PGGT1B: variants seen among roughly 807,000 people sequenced by gnomAD.
The protein encoded by PGGT1B is geranylgeranyl transferase type-1 subunit beta.
In PGGT1B, 30 loss-of-function variants were observed where a neutral mutation model predicts 46.1. The ratio of observed to expected loss-of-function variants is 0.65; its 90% CI spans 0.49 to 0.88. PGGT1B has a LOEUF of 0.88. PGGT1B is among the 40% of genes least tolerant of loss of function. PGGT1B has a pLI of 0.00. For missense variants in PGGT1B, 376 were observed against 455.9 expected (o/e 0.82, Z 1.60); for synonymous variants, 170 against 160.0 (o/e 1.06, Z -0.47).
chr5:115,237,715 C>T, intron 4 of PGGT1B, 143 bp downstream of exon 4: 4 of 536,278 alleles, frequency 7.5e-6, no homozygotes, highest in South Asian at 5.8e-5. Flanking sequence ...TTTGACTATG[C>T]ACTTAATTAT....
intron 3 of PGGT1B, among the ~76,000 whole-genome samples, chr5:115,240,838 T>C (rs1757325815): frequency 6.6e-6 from 1 of 152,166 alleles, no homozygotes; most frequent in African/African-American, 2.4e-5. Flanking sequence ...GAGGCCGCTT[T>C]AGAAAAAATG....
rs180846471 is a variant in PGGT1B at position 115,246,212 on chromosome 5, C to T, written c.260-4606G>A. Among the ~76,000 whole-genome samples the T allele has an allele frequency of 9.1e-4, 139 of 152,038 alleles. 1 individual carries two copies. The East Asian group carries it at 0.019, about 21-fold the overall frequency. Reference sequence around the variant, plus strand: ...CTCTACTAAAAGTACTAAAATTAGCCGGGTGTGGTGGAGCACACCTTTAGT... The same window carrying T: ...CTCTACTAAAAGTACTAAAATTAGCTGGGTGTGGTGGAGCACACCTTTAGT... On this transcript the variant is annotated intron_variant, in intron 2 of 8. Transcript: ENST00000419445.
At chr5:115,224,787 T>C (rs1261121380) in intron 6 of PGGT1B, among the ~76,000 whole-genome samples, 2 of 145,142 alleles carry the variant, frequency 1.4e-5, no homozygotes, top group East Asian at 4.0e-4. Flanking sequence ...AGTAGGACGA[T>C]CCCTTGACTG....
chr5:115,248,179 A>C (rs1401000985), intron 2 of PGGT1B, among the ~76,000 whole-genome samples: 1 of 152,212 alleles, frequency 6.6e-6, no homozygotes, highest in Non-Finnish European at 1.5e-5. Context: ...ATTAAGGAAC[A>C]GATACTAGAT....
intron 5 of PGGT1B, among the ~76,000 whole-genome samples, chr5:115,234,194 T>C (rs1757096994): frequency 8.1e-6 from 1 of 123,258 alleles, no homozygotes; most frequent in African/African-American, 3.5e-5. Flanking sequence ...AGCTATATTG[T>C]TAAGTGAAAA....
In PGGT1B at chr5:115,206,273, C is replaced by T. The variant is rs1756060631; in HGVS notation, c.*6129G>A. ...TGTATGCAACAGTGGTGTTTACCTC[C>T]AGGAAGTATAGGCTGTGGGTATAGT... On this transcript the variant is annotated 3_prime_UTR_variant, in exon 9 of 9. Coordinates refer to ENST00000419445, the MANE Select transcript of PGGT1B (RefSeq NM_005023.4). The T allele has an allele frequency of 6.6e-6, 1 of 151,740 alleles. No homozygotes were observed. Among genetic ancestry groups the T allele is most frequent in the African/African-American group, 2.4e-5 (1 of 41,352 alleles). The allele number at this position is 151,740 out of a possible 1,614,324, so 9.4% of individuals were successfully genotyped here. A position where few individuals can be genotyped will look rare whatever the true frequency, so the allele number is the denominator to read the frequency against.
intron 4 of PGGT1B, 111 bp downstream of exon 4, chr5:115,237,747 G>T: frequency 1.2e-6 from 1 of 800,342 alleles, no homozygotes. Context: ...GCTTTAGGTG[G>T]GGTTCTAATA....
At chr5:115,226,600 AAATT>A (rs1417592325) in intron 6 of PGGT1B, among the ~76,000 whole-genome samples, 1 of 152,082 alleles carries the variant, frequency 6.6e-6, no homozygotes, top group Non-Finnish European at 1.5e-5. Flanking sequence ...CGAAGAAACT[AAATT>A]AATAACAAAC....
intron 2 of PGGT1B, among the ~76,000 whole-genome samples, chr5:115,244,165 T>C (rs1413992384): frequency 6.6e-6 from 1 of 152,098 alleles, no homozygotes; most frequent in African/African-American, 2.4e-5. Context: ...GCAACATCTT[T>C]AGAATTCTAC....
At chr5:115,222,083 G>A in intron 6 of PGGT1B, 75 bp from the exon 7 acceptor site, 1 of 807,186 alleles carries the variant, frequency 1.2e-6, no homozygotes, top group Non-Finnish European at 1.8e-6. Context: ...TGTTCAAGGG[G>A]AAAAAGTGGT....
At chr5:115,238,705 G>C (rs548521330) in intron 3 of PGGT1B, among the ~76,000 whole-genome samples, 1 of 152,174 alleles carries the variant, frequency 6.6e-6, no homozygotes, top group South Asian at 2.1e-4. Context: ...TACAATCATT[G>C]AAATGCATAA....
In PGGT1B at chr5:115,239,439, A is replaced by ATT. The variant is rs141058452; in HGVS notation, c.328-1431_328-1430insAA. ...AGTTCCTCCTTAGAACTCAAGCTCT[A>ATT]GTTCTCCTGGCTATCCTATTCCACA... On this transcript the variant is annotated intron_variant, in intron 3 of 8. Coordinates refer to ENST00000419445, the MANE Select transcript of PGGT1B (RefSeq NM_005023.4). 1.5e-3 allele frequency among the ~76,000 whole-genome samples: 233 copies of ATT among 152,284 alleles called. 2 individuals carry two copies. The highest frequency in any genetic ancestry group is 5.1e-3 in the African/African-American group (214 of 41,560).
chr5:115,220,386 G>T (rs1756551132), intron 7 of PGGT1B, among the ~76,000 whole-genome samples: 1 of 151,754 alleles, frequency 6.6e-6, no homozygotes, highest in Non-Finnish European at 1.5e-5. Context: ...CCTATATGAG[G>T]TACCTAGAAT....
intron 2 of PGGT1B, among the ~76,000 whole-genome samples, chr5:115,246,386 ATATT>A (rs1244792787): frequency 9.7e-4 from 147 of 152,112 alleles, no homozygotes; most frequent in African/African-American, 3.5e-3. Flanking sequence ...CCACTTAAAA[ATATT>A]TATTAGGTAC....
At chr5:115,237,581 T>C (rs147756616) in intron 4 of PGGT1B, among the ~76,000 whole-genome samples, 4 of 152,304 alleles carry the variant, frequency 2.6e-5, no homozygotes, top group African/African-American at 4.8e-5. Context: ...GTAAATTAGA[T>C]TCCAATCCTG....
intron 5 of PGGT1B, among the ~76,000 whole-genome samples, chr5:115,233,906 T>G (rs889710773): frequency 5.3e-5 from 8 of 152,012 alleles, no homozygotes; most frequent in Non-Finnish European, 1.0e-4. Context: ...TACATATGCA[T>G]TTACCTTTTG....
At position 115,210,696 on chromosome 5, in the gene PGGT1B, T is replaced by C. The variant is rs558629637; in HGVS notation, c.*1706A>G. On this transcript the variant is annotated 3_prime_UTR_variant, in exon 9 of 9. Transcript: ENST00000419445. Reference sequence around the variant, plus strand: ...CAGAAAAAACAATTTGGGCTTTTTATATAGTCCTAAAGCCATTATATATAT... The same window carrying C: ...CAGAAAAAACAATTTGGGCTTTTTACATAGTCCTAAAGCCATTATATATAT... The C allele has an allele frequency of 4.6e-5, 7 of 152,208 alleles. No homozygotes were observed. The highest frequency in any genetic ancestry group is 1.2e-4 in the African/African-American group (5 of 41,566). 9.4% of individuals were successfully genotyped at this position (152,208 alleles called of 1,614,324 possible).
In PGGT1B at chr5:115,221,859, T is replaced by G; in HGVS notation, c.808A>C (p.Thr270Pro). ...GCTCCCACCCAAAAAGAATAACAGG[T>G]GTCTACAGGCTTATTAGGTCTTCCA... ...YHGRPNKPVD[T>P]CYSFWVGATL... Residue 270 changes from threonine (T) to proline (P), a missense_variant, in exon 7 of 9, where the codon ACC becomes CCC. Around this residue, in one of 2 missense-constraint regions of PGGT1B, gnomAD observed 222 missense variants for 313.6 expected, o/e 0.71. Coordinates refer to ENST00000419445, the MANE Select transcript of PGGT1B (RefSeq NM_005023.4). 1 of 1,602,162 alleles carries G rather than the reference T, an allele frequency of 6.2e-7. No homozygotes were observed. Among genetic ancestry groups the G allele is most frequent in the Non-Finnish European group, 8.5e-7 (1 of 1,175,914 alleles).
chr5:115,245,616 A>G (rs902077497), intron 2 of PGGT1B, among the ~76,000 whole-genome samples: 4 of 152,054 alleles, frequency 2.6e-5, no homozygotes, highest in African/African-American at 9.7e-5. Flanking sequence ...AATAAACAGT[A>G]ACCATTCAAA....
Sources: allele counts gnomAD v4.1 joint callset (sites outside exome capture counted in the v4.1 genomes callset), GRCh38; gene constraint gnomAD v4.1.1; regional missense constraint gnomAD v4.1.1; transcripts MANE v1.5; gene names NCBI Gene and HGNC (gene_info 2026-07-23, HGNC 2026-07-21).